INSC: variants seen among roughly 807,000 people sequenced by gnomAD.
INSC encodes INSC spindle orientation adaptor protein.
Under a neutral mutation model 58.6 loss-of-function variants are expected in INSC, and 67 were observed. The ratio of observed to expected loss-of-function variants is 1.14; its 90% confidence interval spans 0.94 to 1.40. The LOEUF (loss-of-function observed/expected upper bound fraction) is 1.40. INSC is among the 40% of genes most tolerant of loss of function. The pLI, the probability that INSC is intolerant of heterozygous loss-of-function variation, is 0.00. For synonymous variants in INSC, 262 were observed against 276.1 expected (o/e 0.95, Z 0.51); for missense variants, 714 against 692.0 (o/e 1.03, Z -0.36).
At chr11:15,256,878 G>A in the INSC span, among the ~76,000 whole-genome samples, 30 of 152,226 alleles carry the variant, frequency 2.0e-4, no homozygotes, top group East Asian at 5.8e-4. Context: ...TAAAGGTGGC[G>A]GGGTGGACAC....
At chr11:15,177,232 T>G in intron 4 of INSC, 69 bp downstream of exon 4, 2 of 1,222,184 alleles carry the variant, frequency 1.6e-6, no homozygotes, top group Admixed American at 3.4e-5. Context: ...GGCTGGTATC[T>G]TCTCCCAGAG....
At chr11:15,233,570 T>A (rs775778674) in intron 9 of INSC, among the ~76,000 whole-genome samples, 2 of 152,204 alleles carry the variant, frequency 1.3e-5, no homozygotes, top group Non-Finnish European at 2.9e-5. Context: ...AGGAAGTAAT[T>A]TTCATTAACA....
the INSC span, among the ~76,000 whole-genome samples, chr11:15,263,024 GATTTAAA>G: frequency 1.3e-5 from 2 of 151,898 alleles, no homozygotes; most frequent in African/African-American, 4.8e-5. Context: ...TGACCAGATA[GATTTAAA>G]ATAGAAACAA....
intron 8 of INSC, 21 bp downstream of exon 8, chr11:15,221,669 G>A: frequency 1.3e-6 from 2 of 1,596,312 alleles, no homozygotes; most frequent in Non-Finnish European, 1.7e-6. Context: ...CTGGGCAGCG[G>A]GACCACTAGG....
intron 7 of INSC, among the ~76,000 whole-genome samples, chr11:15,217,556 G>A (rs758075464): frequency 5.9e-5 from 9 of 152,100 alleles, no homozygotes; most frequent in Non-Finnish European, 1.3e-4. Flanking sequence ...GCGCTTGAGT[G>A]GCCTCATACT....
chr11:15,248,899 C>G (rs572006076), downstream of INSC, among the ~76,000 whole-genome samples: 97 of 152,242 alleles, frequency 6.4e-4, no homozygotes, highest in African/African-American at 2.2e-3. Flanking sequence ...CTGAGTCACC[C>G]AGAGACTAAC....
chr11:15,230,453 GCA>G (rs961679934), intron 9 of INSC, among the ~76,000 whole-genome samples: 4 of 152,128 alleles, frequency 2.6e-5, no homozygotes, highest in Non-Finnish European at 4.4e-5. Context: ...CATAAGAATA[GCA>G]CCATGAAGAT....
At chr11:15,127,825 T>C (rs1196076123) in intron 1 of INSC, among the ~76,000 whole-genome samples, 3 of 152,084 alleles carry the variant, frequency 2.0e-5, no homozygotes, top group Non-Finnish European at 4.4e-5. Flanking sequence ...CAAAACCCTG[T>C]CTCTACTAGA....
chr11:15,213,629 T>A (rs1346786852), intron 7 of INSC, among the ~76,000 whole-genome samples: 1 of 152,202 alleles, frequency 6.6e-6, no homozygotes, highest in Non-Finnish European at 1.5e-5. Context: ...CTTAAGTTAC[T>A]CAATCCATAA....
the INSC span, among the ~76,000 whole-genome samples, chr11:15,260,441 T>G: frequency 2.5e-4 from 38 of 152,192 alleles, 1 homozygote. Context: ...GTCATCTAGA[T>G]CTGGATGTAA....
chr11:15,258,859 G>C, the INSC span, among the ~76,000 whole-genome samples: 1 of 151,910 alleles, frequency 6.6e-6, no homozygotes, highest in East Asian at 1.9e-4. Flanking sequence ...GGACATCTAG[G>C]GTATAATTAA....
chr11:15,215,556 A>G (rs771604711), intron 7 of INSC, among the ~76,000 whole-genome samples: 1 of 152,130 alleles, frequency 6.6e-6, no homozygotes, highest in Non-Finnish European at 1.5e-5. Context: ...CCTGGCATTA[A>G]CTTGCCATGT....
intron 1 of INSC, among the ~76,000 whole-genome samples, chr11:15,133,845 G>A (rs1027556751): frequency 4.6e-5 from 7 of 152,160 alleles, no homozygotes; most frequent in African/African-American, 1.7e-4. Context: ...AACATTAAAA[G>A]CATCATTATT....
intron 2 of INSC, among the ~76,000 whole-genome samples, chr11:15,156,002 C>T (rs771916179): frequency 2.0e-5 from 3 of 152,070 alleles, no homozygotes; most frequent in Non-Finnish European, 2.9e-5. Flanking sequence ...ATGAAGGAGG[C>T]GGTCCACAAG....
At chr11:15,114,801 C>T, upstream of INSC, 1 of 285,956 alleles carries the variant, frequency 3.5e-6, no homozygotes, top group African/African-American at 2.3e-5. Flanking sequence ...GCAGGGAGCG[C>T]GCTGCTGTGG....
rs982277179 is a variant in INSC, at chr11:15,149,055, C to A, written c.-45-75C>A. 122 of 1,458,608 alleles carry A rather than the reference C, an allele frequency of 8.4e-5. 1 individual carries two copies. Among genetic ancestry groups the A allele is most frequent in the South Asian group, 1.2e-4 (8 of 66,888 alleles). 90.4% of individuals were successfully genotyped at this position (1,458,608 alleles called of 1,614,324 possible). A position where few individuals can be genotyped will look rare whatever the true frequency, so the allele number is the denominator to read the frequency against. ...CTTTGTCTGCTTTGGTTCCTTGTGGCCTGGGACTGGGAGAGAAAGTGATTG... is the reference window on the plus strand; with the variant it reads ...CTTTGTCTGCTTTGGTTCCTTGTGGACTGGGACTGGGAGAGAAAGTGATTG... On this transcript the variant is annotated intron_variant, in intron 1 of 12. Coordinates refer to ENST00000379556, the MANE Select transcript of INSC (RefSeq NM_001042536.3).
At position 15,120,888 on chromosome 11, in the gene INSC, CTCTT is replaced by C. The variant is rs577632227; in HGVS notation, c.-46+5887_-46+5890del. Among the ~76,000 whole-genome samples, 78 of 152,124 alleles carry C rather than the reference CTCTT, an allele frequency of 5.1e-4. 1 individual carries two copies. Among genetic ancestry groups the C allele is most frequent in the African/African-American group, 1.8e-3 (74 of 41,500 alleles). On this transcript the variant is annotated intron_variant, in intron 1 of 12. Transcript: ENST00000379556. ...TGTATAAGACTTATATAAGAAATCT[CTCTT>C]TATTCATGTTTCAACTGTTTACATG...
rs545573791 is a variant in INSC, at chr11:15,246,912, C to A, written c.*872C>A. 6 of 152,312 alleles carry A rather than the reference C, an allele frequency of 3.9e-5. No homozygotes were observed. The highest frequency in any genetic ancestry group is 1.4e-4 in the African/African-American group (6 of 41,564). 9.4% of individuals were successfully genotyped at this position (152,312 alleles called of 1,614,324 possible). On this transcript the variant is annotated 3_prime_UTR_variant, in exon 13 of 13. Coordinates refer to ENST00000379556, the MANE Select transcript of INSC (RefSeq NM_001042536.3). ...GAGAATTTCTTCCTAACTCTGCACT[C>A]AGTGACCTTGCGTTGGTAGCCATGA...
intron 9 of INSC, among the ~76,000 whole-genome samples, chr11:15,233,681 C>A (rs1019114369): frequency 4.0e-5 from 6 of 148,526 alleles, no homozygotes; most frequent in Admixed American, 6.8e-5. Flanking sequence ...ATTTCCTTTT[C>A]TTTTCCTAGT....
Sources: allele counts gnomAD v4.1 joint callset (sites outside exome capture counted in the v4.1 genomes callset), GRCh38; gene constraint gnomAD v4.1.1; transcripts MANE v1.5; gene names NCBI Gene and HGNC (gene_info 2026-07-23, HGNC 2026-07-21).